Variants in WWTR1 observed in about 807,000 individuals in gnomAD.
The protein encoded by WWTR1 is WW domain containing transcription regulator 1, also known as WW domain-containing transcription regulator protein 1.
A neutral mutation model predicts 40.1 loss-of-function variants in WWTR1; 13 were observed. The ratio of observed to expected loss-of-function variants is 0.32; its 90% CI spans 0.21 to 0.52. The LOEUF (loss-of-function observed/expected upper bound fraction) is 0.52. Ranked by LOEUF, WWTR1 falls within the 20% of genes least tolerant of loss-of-function variation. The probability of loss-of-function intolerance (pLI) is 0.97; values close to 1 mark genes in which losing one functional copy is unlikely to be tolerated. For synonymous variants in WWTR1, 230 were observed against 210.1 expected (o/e 1.09, Z -0.82); for missense variants, 436 against 523.1 (o/e 0.83, Z 1.63).
chr3:149,718,100 C>G (rs1329326596), intron 4 of WWTR1, among the ~76,000 whole-genome samples: 4 of 152,062 alleles, frequency 2.6e-5, no homozygotes, highest in African/African-American at 9.7e-5. Flanking sequence ...AATGACATTA[C>G]CAAGTTACCA....
intron 2 of WWTR1, among the ~76,000 whole-genome samples, chr3:149,616,045 TGA>T (rs1475368630): frequency 6.6e-6 from 1 of 152,192 alleles, no homozygotes; most frequent in Non-Finnish European, 1.5e-5. Flanking sequence ...ATATCCTCAG[TGA>T]GAGACATCCC....
upstream of WWTR1, among the ~76,000 whole-genome samples, chr3:149,706,092 G>A (rs534706300): frequency 1.3e-5 from 2 of 152,176 alleles, no homozygotes; most frequent in Admixed American, 6.5e-5. Context: ...TCAGGATAAG[G>A]GGCTGAGGCA....
At chr3:149,616,275 T>C (rs927059112) in intron 2 of WWTR1, among the ~76,000 whole-genome samples, 4 of 152,196 alleles carry the variant, frequency 2.6e-5, no homozygotes, top group Non-Finnish European at 4.4e-5. Flanking sequence ...ATTGAGAATG[T>C]CCGCTTCCCA....
At chr3:149,600,607 G>A (rs1739199128) in intron 2 of WWTR1, among the ~76,000 whole-genome samples, 1 of 152,100 alleles carries the variant, frequency 6.6e-6, no homozygotes, top group South Asian at 2.1e-4. Flanking sequence ...ATACATTAGT[G>A]GAAATAAAGC....
In WWTR1 at chr3:149,527,918, C is replaced by G. The variant is rs747447921; in HGVS notation, c.823G>C (p.Val275Leu). Residue 275 changes from valine to leucine, a missense_variant, in exon 5 of 7, where the codon GTT becomes CTT. Physicochemically the swap from Val to Leu is conservative, Grantham distance 32. Transcript: ENST00000360632. ...LPMEAETLAP[V>L]QAAVNPPTMT... is the part of the protein sequence containing the mutation. The stretch of plus-strand genomic sequence containing the variant: ...GTGGGTGGGTTGACAGCAGCCTGAA[C>G]TGGGGCAAGAGTCTCAGCTTCCATG... 9 of 1,614,058 alleles carry G rather than the reference C, an allele frequency of 5.6e-6. No individual in the cohort carries two copies. The Admixed American group carries it at 1.5e-4, about 27-fold the overall frequency.
At chr3:149,555,196 C>T (rs540951127) in intron 3 of WWTR1, among the ~76,000 whole-genome samples, 6 of 152,280 alleles carry the variant, frequency 3.9e-5, no homozygotes, top group Admixed American at 6.5e-5. Flanking sequence ...AAGTTGCCAG[C>T]GTGAGTTGCT....
At chr3:149,588,175 GACAT>G (rs1738518967) in intron 2 of WWTR1, among the ~76,000 whole-genome samples, 1 of 152,200 alleles carries the variant, frequency 6.6e-6, no homozygotes, top group South Asian at 2.1e-4. Flanking sequence ...GGAAGCAATA[GACAT>G]ACGTTTCTGC....
intron 2 of WWTR1, among the ~76,000 whole-genome samples, chr3:149,606,010 A>G (rs1739464068): frequency 6.6e-6 from 1 of 152,170 alleles, no homozygotes; most frequent in Non-Finnish European, 1.5e-5. Context: ...CAGAGCCCAC[A>G]TGGAATGGGA....
chr3:149,617,228 T>A (rs903019800), intron 2 of WWTR1, among the ~76,000 whole-genome samples: 4 of 152,204 alleles, frequency 2.6e-5, no homozygotes, highest in Admixed American at 6.5e-5. Flanking sequence ...GGGACCATGA[T>A]GAGCAGAAGG....
intron 4 of WWTR1, among the ~76,000 whole-genome samples, chr3:149,721,717 C>A (rs1462660534): frequency 6.6e-6 from 1 of 152,080 alleles, no homozygotes; most frequent in African/African-American, 2.4e-5. Flanking sequence ...ACTGGTAAAA[C>A]CATCAGATCC....
intron 2 of WWTR1, among the ~76,000 whole-genome samples, chr3:149,574,907 C>T (rs1008778394): frequency 9.9e-5 from 15 of 151,860 alleles, no homozygotes; most frequent in Non-Finnish European, 1.9e-4. Context: ...CCAGCCTGGC[C>T]AACATGGTGA....
At chr3:149,682,626 T>C (rs1201767532) in intron 1 of WWTR1, among the ~76,000 whole-genome samples, 1 of 152,212 alleles carries the variant, frequency 6.6e-6, no homozygotes, top group African/African-American at 2.4e-5. Flanking sequence ...TAAATAAGCC[T>C]AAATTTCAAA....
chr3:149,648,434 T>A (rs1261525629), intron 2 of WWTR1, among the ~76,000 whole-genome samples: 15 of 149,528 alleles, frequency 1.0e-4, no homozygotes, highest in African/African-American at 3.5e-4. Flanking sequence ...AAACCAAAAC[T>A]AAACAAAACA....
intron 2 of WWTR1, among the ~76,000 whole-genome samples, chr3:149,634,559 A>G (rs1027271662): frequency 2.6e-5 from 4 of 152,148 alleles, no homozygotes; most frequent in African/African-American, 9.7e-5. Context: ...GCTTTCAAGG[A>G]GAAATAAATC....
At chr3:149,630,795 A>T (rs1394451224) in intron 2 of WWTR1, among the ~76,000 whole-genome samples, 2 of 152,224 alleles carry the variant, frequency 1.3e-5, no homozygotes, top group African/African-American at 4.8e-5. Context: ...CAGTCACGCC[A>T]GGAATGACGT....
chr3:149,674,787 T>C (rs545009460), intron 1 of WWTR1, among the ~76,000 whole-genome samples: 3 of 111,518 alleles, frequency 2.7e-5, no homozygotes, highest in Non-Finnish European at 5.9e-5. Context: ...CACACGTCCA[T>C]GTTTTCTAGT....
upstream of WWTR1, among the ~76,000 whole-genome samples, chr3:149,658,902 G>A (rs758811784): frequency 1.8e-4 from 28 of 152,194 alleles, no homozygotes; most frequent in Non-Finnish European, 1.5e-4. Context: ...CGGGGAGCCT[G>A]GAGCCGGGAT....
At chr3:149,610,452 A>C (rs1015187154) in intron 2 of WWTR1, among the ~76,000 whole-genome samples, 1 of 152,186 alleles carries the variant, frequency 6.6e-6, no homozygotes, top group South Asian at 2.1e-4. Context: ...TTATGCTCCT[A>C]AAGTTACAAA....
intron 2 of WWTR1, among the ~76,000 whole-genome samples, chr3:149,582,704 T>C (rs570713171): frequency 4.5e-4 from 69 of 152,168 alleles, no homozygotes; most frequent in Non-Finnish European, 7.9e-4. Flanking sequence ...CACCCCAGTG[T>C]GGGCGGCAGA....
Sources: allele counts gnomAD v4.1 joint callset (sites outside exome capture counted in the v4.1 genomes callset), GRCh38; gene constraint gnomAD v4.1.1; transcripts MANE v1.5; gene names NCBI Gene and HGNC (gene_info 2026-07-23, HGNC 2026-07-21).